AGAP1: variants seen among roughly 807,000 people sequenced by gnomAD.
AGAP1 encodes the protein ArfGAP with GTPase domain, ankyrin repeat and PH domain 1, also known as arf-GAP with GTPase, ANK repeat and PH domain-containing protein 1.
A neutral mutation model predicts 105.3 loss-of-function variants in AGAP1; 29 were observed. That is an observed-to-expected ratio of 0.28 (90% CI 0.21 to 0.38). AGAP1 has a LOEUF of 0.38. AGAP1 is among the 10% of genes least tolerant of loss of function. The pLI, the probability that AGAP1 is intolerant of heterozygous loss-of-function variation, is 1.00. For missense variants in AGAP1, 998 were observed against 1,165.1 expected, an observed-to-expected ratio of 0.86 and a Z score of 2.09; for synonymous variants, 509 against 485.9, an observed-to-expected ratio of 1.05 and a Z score of -0.63.
At position 236,014,219 on chromosome 2, in the gene AGAP1, T is replaced by C. The variant is rs544521991; in HGVS notation, c.1646-22342T>C. Among the ~76,000 whole-genome samples the C allele has an allele frequency of 6.6e-6, 1 of 152,116 alleles. No individual in the cohort carries two copies. Among genetic ancestry groups the C allele is most frequent in the Non-Finnish European group, 1.5e-5 (1 of 68,022 alleles). ...CCCCCGAGTGTCAAAGAGAATAGAC[T>C]CCTCCCTCCAGGACAGCAGAATGGC... On this transcript the variant is annotated intron_variant, in intron 13 of 17. Coordinates refer to ENST00000304032, the MANE Select transcript of AGAP1 (RefSeq NM_001037131.3). The surrounding 1 kb of genome is among the most constrained non-coding windows in gnomAD (Gnocchi z 6.3).
chr2:235,565,691 G>T (rs551427801), intron 1 of AGAP1, among the ~76,000 whole-genome samples: 1 of 152,170 alleles, frequency 6.6e-6, no homozygotes, highest in South Asian at 2.1e-4. Context: ...AGACAGGGTC[G>T]GCTCTGTCAC....
intron 1 of AGAP1, among the ~76,000 whole-genome samples, chr2:235,544,956 C>T (rs1264298327): frequency 6.6e-6 from 1 of 152,144 alleles, no homozygotes; most frequent in Non-Finnish European, 1.5e-5. Context: ...TTGAGTTTAG[C>T]AGTATTCTAA....
intron 9 of AGAP1, among the ~76,000 whole-genome samples, chr2:235,812,282 C>A (rs1422194015): frequency 1.3e-5 from 2 of 152,206 alleles, no homozygotes; most frequent in East Asian, 3.8e-4. Context: ...TGGGAAAAGC[C>A]TTCCCAAGCT....
intron 1 of AGAP1, among the ~76,000 whole-genome samples, chr2:235,704,250 C>T (rs1481266942): frequency 1.3e-5 from 2 of 152,348 alleles, no homozygotes; most frequent in East Asian, 1.9e-4. Context: ...CAGAAATTCC[C>T]GCTCTTGGAG....
At chr2:235,757,524 C>G (rs1954031282) in intron 6 of AGAP1, among the ~76,000 whole-genome samples, 1 of 152,376 alleles carries the variant, frequency 6.6e-6, no homozygotes, top group Admixed American at 6.5e-5. Context: ...AGATCCATGT[C>G]AGTCCTTTGA....
intron 1 of AGAP1, among the ~76,000 whole-genome samples, chr2:235,528,256 G>C (rs987820791): frequency 1.3e-5 from 2 of 151,780 alleles, no homozygotes; most frequent in African/African-American, 4.8e-5. Flanking sequence ...TGGCCACGTG[G>C]TTGGCATTCC....
chr2:235,641,313 T>TTCTCTTTC (rs112965681), intron 1 of AGAP1, among the ~76,000 whole-genome samples: 7 of 148,488 alleles, frequency 4.7e-5, no homozygotes, highest in African/African-American at 1.2e-4. Context: ...CTCTCTCTCT[T>TTCTCTTTC]TCTCTTTCTC....
chr2:235,853,847 A>G (rs74641411), intron 9 of AGAP1, among the ~76,000 whole-genome samples: 102 of 152,130 alleles, frequency 6.7e-4, no homozygotes, highest in African/African-American at 2.3e-3. Context: ...AGTGTAGGCT[A>G]TACCTTGAAT....
intron 11 of AGAP1, among the ~76,000 whole-genome samples, chr2:235,929,636 C>T (rs1019260751): frequency 5.9e-5 from 9 of 152,096 alleles, no homozygotes; most frequent in Non-Finnish European, 1.0e-4. Flanking sequence ...TGCACGGGAT[C>T]GCAGTGAGGC....
At chr2:235,819,112 C>CTTTTT (rs1958631191) in intron 9 of AGAP1, among the ~76,000 whole-genome samples, 1 of 134,856 alleles carries the variant, frequency 7.4e-6, no homozygotes. Context: ...CTTTTCTTTT[C>CTTTTT]TTTTCTTTTT....
At position 235,752,600 on chromosome 2, in the gene AGAP1, T is replaced by A. The variant is rs932062383; in HGVS notation, c.673+2112T>A. Among the ~76,000 whole-genome samples the A allele has an allele frequency of 3.3e-5, 5 of 152,164 alleles. No individual in the cohort carries two copies. The highest frequency in any genetic ancestry group is 7.3e-5 in the Non-Finnish European group (5 of 68,028). ...TTTGCGGCCTGAGAAGCCCAGAATATTCACTCTCTGGCCCCGTGCAGAGAG... is the reference window on the plus strand; with the variant it reads ...TTTGCGGCCTGAGAAGCCCAGAATAATCACTCTCTGGCCCCGTGCAGAGAG... On this transcript the variant is annotated intron_variant, in intron 6 of 17. Coordinates refer to ENST00000304032, the MANE Select transcript of AGAP1 (RefSeq NM_001037131.3). This position sits in a 1 kb window ranked among gnomAD's most constrained non-coding sequence, Gnocchi z 4.3.
At position 235,739,133 on chromosome 2, in the gene AGAP1, A is replaced by G. The variant is rs1410215664; in HGVS notation, c.311-1830A>G. ...ATTACTCCTCGCCTGCTAGGACATC[A>G]TCCCCTTTGCATCTGGGGACACTGA... On this transcript the variant is annotated intron_variant, in intron 3 of 17. Coordinates refer to ENST00000304032, the MANE Select transcript of AGAP1 (RefSeq NM_001037131.3). This position sits in a 1 kb window ranked among gnomAD's most constrained non-coding sequence, Gnocchi z 5.3. Among the ~76,000 whole-genome samples, 2 of 152,272 alleles carry G rather than the reference A, an allele frequency of 1.3e-5. No homozygotes were observed. Among genetic ancestry groups the G allele is most frequent in the Admixed American group, 1.3e-4 (2 of 15,296 alleles).
At chr2:236,100,728 G>A (rs941418718) in intron 16 of AGAP1, among the ~76,000 whole-genome samples, 1 of 152,038 alleles carries the variant, frequency 6.6e-6, no homozygotes, top group African/African-American at 2.4e-5. Flanking sequence ...TACTTGGGAG[G>A]CTGAGGCAGG....
chr2:235,886,069 C>T (rs982728628), intron 10 of AGAP1, among the ~76,000 whole-genome samples: 5 of 152,174 alleles, frequency 3.3e-5, no homozygotes, highest in Admixed American at 3.3e-4. Flanking sequence ...TCTCCACACC[C>T]AGCTTCCATC....
chr2:235,815,720 G>T (rs1471639912), intron 9 of AGAP1, among the ~76,000 whole-genome samples: 3 of 152,308 alleles, frequency 2.0e-5, no homozygotes, highest in Non-Finnish European at 4.4e-5. Flanking sequence ...CGTTAGATAG[G>T]AAGCATACGA....
chr2:236,007,340 A>G (rs2056355712), intron 13 of AGAP1, among the ~76,000 whole-genome samples: 1 of 152,220 alleles, frequency 6.6e-6, no homozygotes, highest in African/African-American at 2.4e-5. Flanking sequence ...TAAGAGGAGC[A>G]TGATTGACTG....
intron 1 of AGAP1, among the ~76,000 whole-genome samples, chr2:235,695,545 A>G (rs1365416359): frequency 1.3e-5 from 2 of 152,300 alleles, no homozygotes; most frequent in South Asian, 2.1e-4. Flanking sequence ...TGTGCTCAGT[A>G]TATTACACTT....
In AGAP1 at chr2:236,076,975, G is replaced by C. The variant is rs996627029; in HGVS notation, c.2114+27694G>C. 1.3e-5 allele frequency among the ~76,000 whole-genome samples: 2 copies of C among 151,496 alleles called. No individual in the cohort carries two copies. The highest frequency in any genetic ancestry group is 4.8e-5 in the African/African-American group (2 of 41,378). ...ACCCAAAAAAAAAAAGCCAGGCATGGTGGTGCATGTCTGTGTCCCAGCTAC... is the reference window on the plus strand; with the variant it reads ...ACCCAAAAAAAAAAAGCCAGGCATGCTGGTGCATGTCTGTGTCCCAGCTAC... On this transcript the variant is annotated intron_variant, in intron 16 of 17. Transcript: ENST00000304032. The surrounding 1 kb of genome is among the most constrained non-coding windows in gnomAD (Gnocchi z 4.4).
Position 235,714,472 on chromosome 2 carries a change from T to C in AGAP1, c.223-3085T>C, listed in dbSNP as rs1218554857. On this transcript the variant is annotated intron_variant, in intron 2 of 17. Coordinates refer to ENST00000304032, the MANE Select transcript of AGAP1 (RefSeq NM_001037131.3). The surrounding 1 kb of genome is among the most constrained non-coding windows in gnomAD (Gnocchi z 4.1). The stretch of plus-strand genomic sequence containing the variant: ...CGGGGAATGATTGATATGGAAAGCT[T>C]TAGTTGCCTGGAGACAGCAAGGCCT... Among the ~76,000 whole-genome samples, 1 of 151,772 alleles carries C rather than the reference T, an allele frequency of 6.6e-6. No homozygotes were observed. The highest frequency in any genetic ancestry group is 2.4e-5 in the African/African-American group (1 of 41,288).
Sources: gnomAD v4.1 joint callset for allele counts (sites outside exome capture counted in the v4.1 genomes callset) on GRCh38, gnomAD v4.1.1 for gene constraint, Gnocchi (gnomAD v3.1) non-coding constraint, MANE v1.5 for transcripts, NCBI Gene and HGNC (gene_info 2026-07-23, HGNC 2026-07-21) for gene names.